Variants in SEL1L3 observed in about 807,000 individuals in gnomAD.
SEL1L3 encodes the protein protein sel-1 homolog 3.
SEL1L3 carries 76 observed loss-of-function variants against 142.8 expected under a neutral mutation model. The ratio of observed to expected loss-of-function variants is 0.53; its 90% CI spans 0.44 to 0.64. SEL1L3 has a LOEUF of 0.64. Ranked by LOEUF, SEL1L3 falls within the 30% of genes least tolerant of loss-of-function variation. SEL1L3 has a pLI of 0.00. For missense variants in SEL1L3, 1,262 were observed against 1,381.7 expected, an observed-to-expected ratio of 0.91 and a Z score of 1.37; for synonymous variants, 504 against 519.6, an observed-to-expected ratio of 0.97 and a Z score of 0.41.
chr4:25,798,149 G>A (rs1182385997), intron 11 of SEL1L3, among the ~76,000 whole-genome samples: 13 of 152,140 alleles, frequency 8.5e-5, no homozygotes, highest in African/African-American at 3.1e-4. Context: ...TACGGCATCC[G>A]ATGAGCTAGA....
the SEL1L3 span, among the ~76,000 whole-genome samples, chr4:25,730,413 C>G: frequency 6.6e-6 from 1 of 151,878 alleles, no homozygotes; most frequent in African/African-American, 2.4e-5. Flanking sequence ...GGTGAGGAAA[C>G]TAGTTAGTCC....
chr4:25,719,031 C>G, the SEL1L3 span: 1 of 152,162 alleles, frequency 6.6e-6, no homozygotes, highest in Non-Finnish European at 1.5e-5. Context: ...ACAAAATTAG[C>G]CTAGCGTGGT....
At chr4:25,833,740 GTAGT>G (rs1247444623) in intron 3 of SEL1L3, among the ~76,000 whole-genome samples, 171 bp from the exon 4 acceptor site, 1 of 152,184 alleles carries the variant, frequency 6.6e-6, no homozygotes, top group African/African-American at 2.4e-5. Flanking sequence ...AACAAAGGAG[GTAGT>G]TAAAGTAACT....
At chr4:25,757,504 A>G in intron 23 of SEL1L3, 30 bp downstream of exon 23, 3 of 1,029,948 alleles carry the variant, frequency 2.9e-6, no homozygotes, top group Non-Finnish European at 4.2e-6. Context: ...TTTTTTTAAT[A>G]TATTGCTTTC....
chr4:25,768,879 A>C (rs1026357687), intron 17 of SEL1L3, among the ~76,000 whole-genome samples: 9 of 152,174 alleles, frequency 5.9e-5, no homozygotes, highest in Non-Finnish European at 1.2e-4. Flanking sequence ...CTGAACACAC[A>C]CATGCACACA....
Position 25,772,807 on chromosome 4 carries a change from A to T in SEL1L3, c.2669+3470T>A, listed in dbSNP as rs548512538. On this transcript the variant is annotated intron_variant, in intron 17 of 23. Coordinates refer to ENST00000399878, the MANE Select transcript of SEL1L3 (RefSeq NM_015187.5). Reference sequence around the variant, plus strand: ...GAATCTTATTTTTATTTATTTATTTATTTTTTTTGAAAGGGAGTCTTGCTC... The same window carrying T: ...GAATCTTATTTTTATTTATTTATTTTTTTTTTTTGAAAGGGAGTCTTGCTC... Among the ~76,000 whole-genome samples the T allele has an allele frequency of 3.8e-3, 577 of 151,348 alleles. 1 individual carries two copies. The highest frequency in any genetic ancestry group is 5.0e-3 in the Non-Finnish European group (339 of 67,516).
chr4:25,835,735 A>G (rs1715775676), intron 2 of SEL1L3, among the ~76,000 whole-genome samples: 1 of 152,196 alleles, frequency 6.6e-6, no homozygotes, highest in South Asian at 2.1e-4. Context: ...TGTAGTTCTC[A>G]CTATGGTCCT....
chr4:25,740,675 C>T, the SEL1L3 span, among the ~76,000 whole-genome samples: 2 of 152,150 alleles, frequency 1.3e-5, no homozygotes, highest in Admixed American at 6.6e-5. Context: ...TGCTTTATTT[C>T]ATTAAGTACT....
chr4:25,763,973 T>C (rs139664248), intron 20 of SEL1L3, among the ~76,000 whole-genome samples: 2 of 152,242 alleles, frequency 1.3e-5, no homozygotes, highest in African/African-American at 4.8e-5. Flanking sequence ...GTAACAACTA[T>C]CCAAACCTCC....
rs571830162 is a variant in SEL1L3 at position 25,769,032 on chromosome 4, T to G, written c.2670-1202A>C. On this transcript the variant is annotated intron_variant, in intron 17 of 23. Transcript: ENST00000399878. ...TTTACTTATCTGATTTCCTCAATTT[T>G]TATACGTTACCTAGCTTAAGAGTAA... Among the ~76,000 whole-genome samples, 282 of 151,672 alleles carry G rather than the reference T, an allele frequency of 1.9e-3. 1 individual carries two copies. Among genetic ancestry groups the G allele is most frequent in the African/African-American group, 6.5e-3 (269 of 41,342 alleles).
chr4:25,808,971 G>T, intron 9 of SEL1L3, among the ~76,000 whole-genome samples: 1 of 149,602 alleles, frequency 6.7e-6, no homozygotes, highest in Non-Finnish European at 1.5e-5. Context: ...TACTTGGGAG[G>T]GTGAGGCAGG....
chr4:25,794,228 A>G (rs35594169), intron 11 of SEL1L3, among the ~76,000 whole-genome samples: 31,253 of 152,210 alleles, frequency 0.21, 3,734 homozygotes, highest in Middle Eastern at 0.3. Flanking sequence ...TCATCAGAGC[A>G]AACAACAAAC....
chr4:25,727,075 C>T, the SEL1L3 span, among the ~76,000 whole-genome samples: 2,405 of 93,342 alleles, frequency 0.026, 32 homozygotes, highest in Admixed American at 0.037. Context: ...TTTTTTGAGA[C>T]GGAGTCTCGC....
chr4:25,823,464 A>G (rs937984036), intron 6 of SEL1L3, among the ~76,000 whole-genome samples: 5 of 152,180 alleles, frequency 3.3e-5, no homozygotes, highest in Non-Finnish European at 7.3e-5. Context: ...CAGTGAGCTG[A>G]GATTGCGCCA....
the SEL1L3 span, among the ~76,000 whole-genome samples, chr4:25,736,213 T>TTG: frequency 0.015 from 1,965 of 130,620 alleles, 49 homozygotes; most frequent in African/African-American, 0.052. Context: ...TGCCATAAGA[T>TTG]TGTGTGTCTG....
chr4:25,849,612 T>C (rs1716754403), intron 1 of SEL1L3, among the ~76,000 whole-genome samples: 1 of 152,164 alleles, frequency 6.6e-6, no homozygotes. Context: ...GTGGTGCTGG[T>C]TGCAAAACAG....
downstream of SEL1L3, among the ~76,000 whole-genome samples, chr4:25,745,799 G>C (rs1450822531): frequency 6.6e-6 from 1 of 152,252 alleles, no homozygotes; most frequent in African/African-American, 2.4e-5. Context: ...TCTTGCAAGG[G>C]TATGCCCTTG....
the SEL1L3 span, among the ~76,000 whole-genome samples, chr4:25,728,153 G>C: frequency 1.3e-5 from 2 of 152,142 alleles, no homozygotes; most frequent in African/African-American, 2.4e-5. Flanking sequence ...TAAGGCCCCA[G>C]GTTTGTCCCC....
At chr4:25,813,986 C>T (rs768534925) in intron 9 of SEL1L3, among the ~76,000 whole-genome samples, 36 of 152,102 alleles carry the variant, frequency 2.4e-4, no homozygotes, top group Non-Finnish European at 4.4e-4. Flanking sequence ...GATGATCCAC[C>T]TAAAATCACA....
Sources: allele counts gnomAD v4.1 joint callset (sites outside exome capture counted in the v4.1 genomes callset), GRCh38; gene constraint gnomAD v4.1.1; transcripts MANE v1.5; gene names NCBI Gene and HGNC (gene_info 2026-07-23, HGNC 2026-07-21).